Variants in CTNNA3 observed in about 807,000 individuals in gnomAD.
CTNNA3 encodes catenin alpha-3.
In CTNNA3, 76 loss-of-function variants were observed where a neutral mutation model predicts 95.7. That is an observed-to-expected ratio of 0.79 (90% CI 0.66 to 0.96). The LOEUF is 0.96. Ranked by LOEUF, CTNNA3 falls within the 40% of genes least tolerant of loss-of-function variation. CTNNA3 has a pLI of 0.00. For missense variants in CTNNA3, 1,191 were observed against 1,089.8 expected (o/e 1.09, Z -1.31); for synonymous variants, 431 against 374.4 (o/e 1.15, Z -1.74).
At chr10:66,833,147 G>A (rs568301708) in intron 7 of CTNNA3, among the ~76,000 whole-genome samples, 2 of 152,280 alleles carry the variant, frequency 1.3e-5, no homozygotes, top group Non-Finnish European at 2.9e-5. Flanking sequence ...CATTCATGTT[G>A]CTAGGTAGTC....
At position 67,108,673 on chromosome 10, in the gene CTNNA3, T is replaced by C. The variant is rs372894523; in HGVS notation, c.1047+71644A>G. Reference sequence around the variant, plus strand: ...AGAGTAAATGCTACTTGAGAAACTTTAGGTTTGCCATTTATAAAACTCAGG... The same window carrying C: ...AGAGTAAATGCTACTTGAGAAACTTCAGGTTTGCCATTTATAAAACTCAGG... On this transcript the variant is annotated intron_variant, in intron 7 of 17. Transcript: ENST00000433211. Among the ~76,000 whole-genome samples, 9 of 152,292 alleles carry C rather than the reference T, an allele frequency of 5.9e-5. No homozygotes were observed. The East Asian group carries it at 1.7e-3, about 29-fold the overall frequency.
intron 7 of CTNNA3, among the ~76,000 whole-genome samples, chr10:66,988,483 A>G (rs1473462931): frequency 6.6e-6 from 1 of 152,148 alleles, no homozygotes; most frequent in Admixed American, 6.6e-5. Flanking sequence ...ACTGAGTGGA[A>G]AAGCTCCAAC....
intron 11 of CTNNA3, among the ~76,000 whole-genome samples, chr10:66,487,218 T>G (rs2131922126): frequency 1.0e-5 from 1 of 96,572 alleles, no homozygotes; most frequent in African/African-American, 3.8e-5. Context: ...TTTTTTTTTT[T>G]TGAGACGGAA....
At chr10:67,680,118 A>G (rs1266074292) in intron 1 of CTNNA3, among the ~76,000 whole-genome samples, 1 of 152,080 alleles carries the variant, frequency 6.6e-6, no homozygotes, top group Non-Finnish European at 1.5e-5. Context: ...AAAATATTTA[A>G]CAACCAGCAT....
chr10:67,540,212 T>C (rs772728255), intron 3 of CTNNA3, among the ~76,000 whole-genome samples: 41 of 152,084 alleles, frequency 2.7e-4, no homozygotes, highest in Admixed American at 2.0e-3. Flanking sequence ...CTATTTTTAA[T>C]GCCTTTTCAT....
intron 7 of CTNNA3, among the ~76,000 whole-genome samples, chr10:66,981,223 G>C (rs1850422364): frequency 1.3e-5 from 2 of 152,122 alleles, no homozygotes; most frequent in African/African-American, 2.4e-5. Flanking sequence ...TTTTCTAGTA[G>C]TTTATTCCTA....
At chr10:67,043,135 CTTTTT>C (rs34946963) in intron 7 of CTNNA3, among the ~76,000 whole-genome samples, 1 of 103,754 alleles carries the variant, frequency 9.6e-6, no homozygotes, top group African/African-American at 3.2e-5. Flanking sequence ...CACTTTCTTT[CTTTTT>C]TTTTTTTTTT....
chr10:66,692,712 G>T (rs909534117), intron 9 of CTNNA3, among the ~76,000 whole-genome samples: 2 of 152,124 alleles, frequency 1.3e-5, no homozygotes, highest in Non-Finnish European at 2.9e-5. Flanking sequence ...CAGCCAGAGA[G>T]AAAGGTCGGG....
At chr10:67,719,584 T>C (rs1841165814) in intron 1 of CTNNA3, among the ~76,000 whole-genome samples, 1 of 152,214 alleles carries the variant, frequency 6.6e-6, no homozygotes, top group South Asian at 2.1e-4. Flanking sequence ...GAGCAGGTTG[T>C]TCAGTTTCCA....
At chr10:66,335,263 T>C (rs903015992) in intron 12 of CTNNA3, among the ~76,000 whole-genome samples, 1 of 152,146 alleles carries the variant, frequency 6.6e-6, no homozygotes, top group Non-Finnish European at 1.5e-5. Flanking sequence ...CTTTGTTCCA[T>C]TGCTGGTGAG....
At chr10:67,030,383 A>T (rs2133106898) in intron 7 of CTNNA3, among the ~76,000 whole-genome samples, 1 of 152,288 alleles carries the variant, frequency 6.6e-6, no homozygotes, top group Admixed American at 6.5e-5. Flanking sequence ...AAAATTAATG[A>T]AATATTTAAA....
intron 13 of CTNNA3, among the ~76,000 whole-genome samples, chr10:66,170,661 G>A (rs2085372475): frequency 6.6e-6 from 1 of 151,044 alleles, no homozygotes; most frequent in South Asian, 2.1e-4. Flanking sequence ...AGGGAAAACT[G>A]CATATAAAAG....
chr10:67,299,080 G>A (rs1198965373), intron 5 of CTNNA3, among the ~76,000 whole-genome samples: 2 of 152,080 alleles, frequency 1.3e-5, no homozygotes, highest in Non-Finnish European at 2.9e-5. Context: ...TGTATTTTTA[G>A]TAGAGATGGA....
chr10:66,446,763 A>G (rs1259974855), intron 11 of CTNNA3, among the ~76,000 whole-genome samples: 2 of 152,246 alleles, frequency 1.3e-5, no homozygotes, highest in South Asian at 4.2e-4. Context: ...GAAAACTGGC[A>G]CAAGACAGGG....
intron 7 of CTNNA3, among the ~76,000 whole-genome samples, chr10:67,074,034 C>CTTTTTTTTTTTTTTTTTTTTTTTTTTTT: frequency 9.1e-6 from 1 of 109,436 alleles, no homozygotes; most frequent in Non-Finnish European, 1.8e-5. Context: ...CATTTTAACT[C>CTTTTTTTTTTTTTTTTTTTTTTTTTTTT]TTTTTTTTTT....
At chr10:67,262,624 GT>G (rs747392530) in intron 5 of CTNNA3, among the ~76,000 whole-genome samples, 17 of 152,074 alleles carry the variant, frequency 1.1e-4, no homozygotes, top group African/African-American at 3.9e-4. Flanking sequence ...GCTTTAAACA[GT>G]TTTTTTAAAA....
chr10:66,355,948 C>T (rs2092605500), intron 12 of CTNNA3, among the ~76,000 whole-genome samples: 1 of 151,778 alleles, frequency 6.6e-6, no homozygotes, highest in Non-Finnish European at 1.5e-5. Context: ...AGTCTTTCTC[C>T]ACTGAATTAT....
chr10:66,302,411 TCAAGACCTA>T (rs1381972913), intron 12 of CTNNA3, among the ~76,000 whole-genome samples: 1 of 152,118 alleles, frequency 6.6e-6, no homozygotes, highest in East Asian at 1.9e-4. Context: ...CTACCTGACT[TCAAGACCTA>T]CTATAAAGCT....
chr10:66,525,628 A>T (rs1841227936), intron 10 of CTNNA3, among the ~76,000 whole-genome samples: 1 of 151,938 alleles, frequency 6.6e-6, no homozygotes, highest in African/African-American at 2.4e-5. Flanking sequence ...AAAGAGAGAG[A>T]GTGTGTGTGT....
Sources: gnomAD v4.1 joint callset for allele counts (sites outside exome capture counted in the v4.1 genomes callset) on GRCh38, gnomAD v4.1.1 for gene constraint, MANE v1.5 for transcripts, NCBI Gene and HGNC (gene_info 2026-07-23, HGNC 2026-07-21) for gene names.